IGSF5: variants seen among roughly 807,000 people sequenced by gnomAD.
IGSF5 encodes the protein immunoglobulin superfamily member 5.
IGSF5 carries 41 observed loss-of-function variants against 39.4 expected under a neutral mutation model. The ratio of observed to expected loss-of-function variants is 1.04; its 90% confidence interval spans 0.81 to 1.35. The LOEUF (loss-of-function observed/expected upper bound fraction) is 1.35, where lower values mean the gene tolerates loss of function less well. Among genes scored for constraint, IGSF5 ranks in the 40% most tolerant of loss-of-function variants. The pLI, the probability that IGSF5 is intolerant of heterozygous loss-of-function variation, is 0.00. For missense variants in IGSF5, 487 were observed against 494.6 expected (o/e 0.98, Z 0.15); for synonymous variants, 183 against 175.3 (o/e 1.04, Z -0.34).
intron 6 of IGSF5, among the ~76,000 whole-genome samples, chr21:39,790,783 G>A (rs925720640): frequency 2.6e-5 from 4 of 152,154 alleles, no homozygotes; most frequent in African/African-American, 9.7e-5. Context: ...CTCTTTATCT[G>A]CAGGTTCCAC....
At position 39,793,632 on chromosome 21, in the gene IGSF5, C is replaced by T. The variant is rs181129551; in HGVS notation, c.1128+19C>T. 2.5e-6 allele frequency: 4 copies of T among 1,603,340 alleles called. No individual in the cohort carries two copies. The African/African-American group carries it at 4.0e-5, about 16-fold the overall frequency. ...TCACCAGGTAGTTTAGACCATTTTC[C>T]CCCTTTTTGGACTTTTTTGGCTATT... On this transcript the variant is annotated intron_variant, in intron 8 of 8. Transcript: ENST00000380588.
the IGSF5 span, chr21:39,729,842 G>A: frequency 2.4e-4 from 36 of 152,186 alleles, no homozygotes; most frequent in Admixed American, 1.8e-3. Flanking sequence ...GCCTGGTTTC[G>A]ATTTTTGGAG....
the IGSF5 span, among the ~76,000 whole-genome samples, chr21:39,733,940 G>A: frequency 2.6e-5 from 4 of 151,974 alleles, no homozygotes; most frequent in African/African-American, 9.7e-5. Context: ...TCGAATTCGG[G>A]CCCACCATCC....
upstream of IGSF5, among the ~76,000 whole-genome samples, chr21:39,741,003 C>T (rs1340337889): frequency 6.6e-6 from 1 of 152,220 alleles, no homozygotes; most frequent in Non-Finnish European, 1.5e-5. Context: ...TGACCCTTTG[C>T]CACTACATCA....
At chr21:39,776,212 A>C (rs2080139772) in intron 4 of IGSF5, among the ~76,000 whole-genome samples, 1 of 151,156 alleles carries the variant, frequency 6.6e-6, no homozygotes, top group Non-Finnish European at 1.5e-5. Flanking sequence ...GTATAGATAT[A>C]AAATATATAT....
At chr21:39,723,059 A>G in the IGSF5 span, among the ~76,000 whole-genome samples, 48 of 152,382 alleles carry the variant, frequency 3.1e-4, 1 homozygote, top group South Asian at 8.7e-3. Flanking sequence ...CCGCAAAAGC[A>G]GCTTAAAACA....
In IGSF5 at chr21:39,762,574, C is replaced by G. The variant is rs964248786; in HGVS notation, c.101-2961C>G. On this transcript the variant is annotated intron_variant, in intron 2 of 8. Transcript: ENST00000380588. ...AAATGTTCTTATCAGAGTTGATCCT[C>G]TCCTGGATCAGGAAAAAGTAAGGAA... 5.3e-5 allele frequency among the ~76,000 whole-genome samples: 8 copies of G among 152,276 alleles called. No individual in the cohort carries two copies. The East Asian group carries it at 1.2e-3, about 22-fold the overall frequency.
chr21:39,723,676 A>T, the IGSF5 span, among the ~76,000 whole-genome samples: 1 of 152,358 alleles, frequency 6.6e-6, no homozygotes, highest in South Asian at 2.1e-4. Flanking sequence ...GTCAAAAGGT[A>T]GAATGTATTC....
chr21:39,763,272 T>A, intron 2 of IGSF5, among the ~76,000 whole-genome samples: 1 of 152,204 alleles, frequency 6.6e-6, no homozygotes, highest in Non-Finnish European at 1.5e-5. Flanking sequence ...TGCCTGACCT[T>A]GCAGTATAGA....
chr21:39,767,501 T>C (rs536107922), intron 3 of IGSF5, among the ~76,000 whole-genome samples: 1 of 152,322 alleles, frequency 6.6e-6, no homozygotes, highest in East Asian at 1.9e-4. Context: ...TGAGTCCTAG[T>C]GTCCTCATCA....
chr21:39,776,364 C>T (rs1449362669), intron 4 of IGSF5, among the ~76,000 whole-genome samples: 3 of 152,068 alleles, frequency 2.0e-5, no homozygotes, highest in Admixed American at 6.6e-5. Flanking sequence ...TTAAGTCTCA[C>T]CCAGGCATAA....
At chr21:39,782,439 C>T (rs1459339591) in intron 5 of IGSF5, among the ~76,000 whole-genome samples, 1 of 152,100 alleles carries the variant, frequency 6.6e-6, no homozygotes, top group Non-Finnish European at 1.5e-5. Flanking sequence ...TTTATGCAAC[C>T]ATCACTACCA....
the IGSF5 span, among the ~76,000 whole-genome samples, chr21:39,726,365 C>T: frequency 2.0e-5 from 3 of 152,168 alleles, no homozygotes; most frequent in Admixed American, 6.5e-5. Context: ...TTGGAGTCTA[C>T]AAAGGCTGGG....
chr21:39,793,890 C>T (rs935359000), intron 8 of IGSF5, among the ~76,000 whole-genome samples: 2 of 152,048 alleles, frequency 1.3e-5, no homozygotes, highest in African/African-American at 4.8e-5. Context: ...GGGACGTATC[C>T]GCCTGAGTTG....
chr21:39,767,574 G>T lies in IGSF5; in HGVS notation c.418+1722G>T, dbSNP rs534111670. On this transcript the variant is annotated intron_variant, in intron 3 of 8. Transcript: ENST00000380588. ...AAGCCTTTACCACACCTGGCTCATA[G>T]CAATCACTGTATGGCCATTTGCTAT... Among the ~76,000 whole-genome samples the T allele has an allele frequency of 7.2e-5, 11 of 152,312 alleles. No individual in the cohort carries two copies. The East Asian group carries it at 1.9e-3, about 27-fold the overall frequency.
At chr21:39,748,950 A>G (rs1023868977) in intron 2 of IGSF5, among the ~76,000 whole-genome samples, 3 of 152,226 alleles carry the variant, frequency 2.0e-5, no homozygotes, top group African/African-American at 7.2e-5. Context: ...TGGTTATTGT[A>G]TAACACACAC....
At chr21:39,729,922 A>C in the IGSF5 span, 1 of 152,270 alleles carries the variant, frequency 6.6e-6, no homozygotes, top group African/African-American at 2.4e-5. Flanking sequence ...ATGGGATCCC[A>C]GCCTTTCAAG....
At chr21:39,720,621 T>C in the IGSF5 span, among the ~76,000 whole-genome samples, 9 of 152,138 alleles carry the variant, frequency 5.9e-5, no homozygotes, top group Non-Finnish European at 1.3e-4. Flanking sequence ...AAGTAGAGCA[T>C]AAGAAGACAT....
chr21:39,775,698 A>G (rs1192059101), intron 4 of IGSF5, among the ~76,000 whole-genome samples: 1 of 152,106 alleles, frequency 6.6e-6, no homozygotes, highest in African/African-American at 2.4e-5. Flanking sequence ...TTGACCTTGG[A>G]GCTAATCTTC....
Sources: allele counts gnomAD v4.1 joint callset (sites outside exome capture counted in the v4.1 genomes callset), GRCh38; gene constraint gnomAD v4.1.1; transcripts MANE v1.5; gene names NCBI Gene and HGNC (gene_info 2026-07-23, HGNC 2026-07-21).